Variants in MMP25 observed in about 807,000 individuals in gnomAD.
MMP25 encodes matrix metallopeptidase 25.
A neutral mutation model predicts 62.1 loss-of-function variants in MMP25; 68 were observed. The observed-to-expected ratio is 1.10, with a 90% CI of 0.90 to 1.34. The LOEUF (loss-of-function observed/expected upper bound fraction) is 1.34. Ranked by LOEUF, MMP25 falls within the 40% of genes most tolerant of loss-of-function variation. MMP25 has a pLI of 0.00. For synonymous variants in MMP25, 407 were observed against 345.6 expected, an observed-to-expected ratio of 1.18 and a Z score of -1.97; for missense variants, 942 against 792.5, an observed-to-expected ratio of 1.19 and a Z score of -2.26.
intron 4 of MMP25, 78 bp downstream of exon 4, chr16:3,050,624 T>G: frequency 7.1e-7 from 1 of 1,411,192 alleles, no homozygotes; most frequent in South Asian, 1.4e-5. Flanking sequence ...GTGTTTTGTT[T>G]TGTTTAAGAA....
Position 3,060,531 on chromosome 16 carries a change from T to C in MMP25, c.*1433T>C, listed in dbSNP as rs1956094425. The C allele has an allele frequency of 6.6e-6, 1 of 152,128 alleles. No individual in the cohort carries two copies. The highest frequency in any genetic ancestry group is 2.4e-5 in the African/African-American group (1 of 41,420). 9.4% of individuals were successfully genotyped at this position (152,128 alleles called of 1,614,324 possible). On this transcript the variant is annotated 3_prime_UTR_variant, in exon 10 of 10. Coordinates refer to ENST00000336577, the MANE Select transcript of MMP25 (RefSeq NM_022468.5). ...CTGTCCCAGCAACCATGCGAGGGGT[T>C]GCCCCAGTTGCTCATACAAACAGAT...
At chr16:3,056,990 C>T (rs1306260999) in intron 4 of MMP25, 43 bp from the exon 5 acceptor site, 1 of 1,521,808 alleles carries the variant, frequency 6.6e-7, no homozygotes, top group Non-Finnish European at 8.8e-7. Flanking sequence ...GCCCCTTTCC[C>T]CAAGCAGGGG....
chr16:3,055,992 C>T (rs953066413), intron 4 of MMP25: 8 of 452,360 alleles, frequency 1.8e-5, no homozygotes, highest in African/African-American at 4.0e-5. Context: ...GTGCTGGGGC[C>T]GGCAGGCTGT....
At chr16:3,049,896 T>A (rs939218336) in intron 2 of MMP25, 113 bp from the exon 3 acceptor site, 7 of 1,503,724 alleles carry the variant, frequency 4.7e-6, no homozygotes, top group African/African-American at 2.7e-5. Flanking sequence ...CGAGGGCACA[T>A]TTCTTGAGCC....
chr16:3,049,889 G>A (rs1267709015), intron 2 of MMP25, 120 bp from the exon 3 acceptor site: 4 of 1,462,724 alleles, frequency 2.7e-6, no homozygotes, highest in African/African-American at 1.4e-5. Context: ...GGGCCTTCGA[G>A]GGCACATTTC....
At chr16:3,057,663 A>G (rs369031405) in intron 7 of MMP25, 50 bp downstream of exon 7, 1 of 1,537,096 alleles carries the variant, frequency 6.5e-7, no homozygotes, top group Non-Finnish European at 9.0e-7. Flanking sequence ...GCCCACTTCC[A>G]GTGACCCACT....
intron 4 of MMP25, among the ~76,000 whole-genome samples, chr16:3,050,926 G>GC (rs1955893624): frequency 6.6e-6 from 1 of 152,074 alleles, no homozygotes; most frequent in African/African-American, 2.4e-5. Flanking sequence ...ACGTAGCCAG[G>GC]ACCACAGATG....
rs1183477855 is a variant in MMP25, at chr16:3,057,580, G to A, written c.973G>A (p.Ala325Thr). 25 of 1,614,008 alleles carry A rather than the reference G, an allele frequency of 1.5e-5. No homozygotes were observed. The highest frequency in any genetic ancestry group is 4.5e-5 in the East Asian group (2 of 44,894). ...ATGTGAGGGCAATTTTGACGCCATCGCCAACATCCGAGGGGAAACTTTCTT... is the reference window on the plus strand; with the variant it reads ...ATGTGAGGGCAATTTTGACGCCATCACCAACATCCGAGGGGAAACTTTCTT... ...DRCEGNFDAIANIRGETFFFK... is the reference protein window; with the variant it reads ...DRCEGNFDAITNIRGETFFFK... The change falls in exon 7 of 10, where the codon GCC (alanine) becomes ACC (threonine). Residue 325 changes from alanine to threonine, a missense_variant. By Grantham distance (58) the Ala-to-Thr change is moderately conservative. Coordinates refer to ENST00000336577, the MANE Select transcript of MMP25 (RefSeq NM_022468.5).
chr16:3,050,817 G>T (rs946155830), intron 4 of MMP25, among the ~76,000 whole-genome samples: 2 of 152,014 alleles, frequency 1.3e-5, no homozygotes, highest in African/African-American at 4.8e-5. Context: ...GTAGAAACAG[G>T]GTCTCATTAT....
Position 3,058,247 on chromosome 16 carries a change from G to C in MMP25, c.1073G>C (p.Arg358Pro), listed in dbSNP as rs1358509504. The C allele has an allele frequency of 6.2e-7, 1 of 1,612,130 alleles. No individual in the cohort carries two copies. Among genetic ancestry groups the C allele is most frequent in the Non-Finnish European group, 8.5e-7 (1 of 1,179,422 alleles). ...LVSPRPARLH[R>P]FWEGLPAQVR... The stretch of plus-strand genomic sequence containing the variant: ...TCCCCGCGACCCGCACGGCTGCACC[G>C]CTTCTGGGAGGGGCTGCCCGCCCAG... Residue 358 changes from arginine (R) to proline (P), a missense_variant, in exon 8 of 10, where the codon CGC becomes CCC. By Grantham distance (103) the Arg-to-Pro change is moderately radical (BLOSUM62 -2). Transcript: ENST00000336577.
intron 4 of MMP25, chr16:3,055,797 T>C (rs774640627): frequency 2.2e-5 from 10 of 454,596 alleles, no homozygotes; most frequent in Non-Finnish European, 3.5e-5. Context: ...CCTGTGGTGC[T>C]GCGGGGCTGT....
At position 3,050,486 on chromosome 16, in the gene MMP25, C is replaced by A. The variant is rs761819955; in HGVS notation, c.601C>A (p.His201Asn). The A allele has an allele frequency of 6.2e-6, 10 of 1,601,976 alleles. No individual in the cohort carries two copies. The East Asian group carries it at 2.0e-4, about 32-fold the overall frequency. ...AGCCCATGCCTTCTTCCCTGGGGAG[C>A]ACCCCATCTCCGGGGACACTCACTT... is the stretch of plus-strand genomic sequence containing the variant. ...TLAHAFFPGE[H>N]PISGDTHFDD... The change falls in exon 4 of 10, where the codon CAC (histidine) becomes AAC (asparagine). Residue 201 changes from histidine to asparagine, a missense_variant. By Grantham distance (68) the His-to-Asn change is moderately conservative. Coordinates refer to ENST00000336577, the MANE Select transcript of MMP25 (RefSeq NM_022468.5).
intron 4 of MMP25, among the ~76,000 whole-genome samples, chr16:3,050,917 C>T (rs8047736): frequency 0.037 from 5,667 of 151,884 alleles, 346 homozygotes; most frequent in African/African-American, 0.13. Context: ...TCAGCCACCA[C>T]GTAGCCAGGA....
In MMP25 at chr16:3,057,633, C is replaced by T; in HGVS notation, c.1006+20C>T. 1 of 1,611,152 alleles carries T rather than the reference C, an allele frequency of 6.2e-7. No homozygotes were observed. The highest frequency in any genetic ancestry group is 8.5e-7 in the Non-Finnish European group (1 of 1,177,272). On this transcript the variant is annotated intron_variant, in intron 7 of 9. Transcript: ENST00000336577. Reference sequence around the variant, plus strand: ...TCAAAGGTGAGTCATTTCACTTGGCCTCATATATGTTGGTTTCCTGCCCAC... The same window carrying T: ...TCAAAGGTGAGTCATTTCACTTGGCTTCATATATGTTGGTTTCCTGCCCAC...
intron 4 of MMP25, chr16:3,053,354 T>C (rs1955937495): frequency 6.8e-6 from 1 of 147,040 alleles, no homozygotes; most frequent in African/African-American, 2.5e-5. Context: ...AAAGAGAATG[T>C]GGGCTTCAAA....
chr16:3,058,554 G>A lies in MMP25; in HGVS notation c.1302G>A (p.Arg434=). The change falls in exon 9 of 10, where the codon CGG becomes CGA. Residue 434 remains arginine, a synonymous_variant. Coordinates refer to ENST00000336577, the MANE Select transcript of MMP25 (RefSeq NM_022468.5). ...GGAAGACCTACCTGGTCCGCGGCCG[G>A]CAGTACTGGCGCTACGACGAGGCGG... is the stretch of plus-strand genomic sequence containing the variant. ...QNGKTYLVRG[R]QYWRYDEAAA... is the part of the protein sequence containing the mutation. 1 of 1,610,934 alleles carries A rather than the reference G, an allele frequency of 6.2e-7. No individual in the cohort carries two copies.
intron 1 of MMP25, 143 bp downstream of exon 1, chr16:3,047,159 T>G: frequency 2.7e-6 from 3 of 1,107,410 alleles, no homozygotes; most frequent in Non-Finnish European, 3.7e-6. Context: ...TGCTCCCGGC[T>G]TCTTGGGTCT....
chr16:3,058,871 A>G lies in MMP25; in HGVS notation c.1462A>G (p.Lys488Glu), dbSNP rs773571920. ...FKGAHYWRFP[K>E]NSIKTEPDAP... ...GGGCGCCCACTACTGGCGCTTCCCC[A>G]AGAACAGCATCAAGACCGAGCCGGA... Residue 488 changes from lysine (K) to glutamate (E), a missense_variant, in exon 10 of 10, where the codon AAG (lysine) becomes GAG (glutamate). Coordinates refer to ENST00000336577, the MANE Select transcript of MMP25 (RefSeq NM_022468.5). The G allele has an allele frequency of 6.4e-7, 1 of 1,553,534 alleles. No individual in the cohort carries two copies. Among genetic ancestry groups the G allele is most frequent in the Non-Finnish European group, 8.7e-7 (1 of 1,148,304 alleles).
Position 3,047,522 on chromosome 16 carries a change from G to C in MMP25, c.207G>C (p.Ala69=), listed in dbSNP as rs763854429. The change falls in exon 2 of 10, where the codon GCG becomes GCC. Residue 69 remains alanine (A), a synonymous_variant. Transcript: ENST00000336577. ...CCATCAAAGTCATGCAGAGGTTCGC[G>C]GGGCTGCCGGAGACCGGCCGCATGG... The part of the protein sequence containing the change: ...RDAIKVMQRF[A]GLPETGRMDP... The C allele has an allele frequency of 1.7e-5, 28 of 1,613,518 alleles. No individual in the cohort carries two copies. The highest frequency in any genetic ancestry group is 2.4e-5 in the Non-Finnish European group (28 of 1,179,924).
Sources: allele counts gnomAD v4.1 joint callset (sites outside exome capture counted in the v4.1 genomes callset), GRCh38; gene constraint gnomAD v4.1.1; transcripts MANE v1.5; gene names NCBI Gene and HGNC (gene_info 2026-07-23, HGNC 2026-07-21).